Variants in RBFOX1 observed in about 807,000 individuals in gnomAD.
RBFOX1 encodes RNA binding fox-1 homolog 1.
Under a neutral mutation model 57.7 loss-of-function variants are expected in RBFOX1, and 8 were observed. That is an observed-to-expected ratio of 0.14 (90% CI 0.08 to 0.25). The LOEUF (loss-of-function observed/expected upper bound fraction) is 0.25. Among genes scored for constraint, RBFOX1 ranks in the 10% least tolerant of loss-of-function variants. The probability of loss-of-function intolerance (pLI) is 1.00; values close to 1 mark genes in which losing one functional copy is unlikely to be tolerated. For synonymous variants in RBFOX1, 326 were observed against 222.4 expected, an observed-to-expected ratio of 1.47 and a Z score of -4.15; for missense variants, 611 against 548.5, an observed-to-expected ratio of 1.11 and a Z score of -1.14.
intron 1 of RBFOX1, among the ~76,000 whole-genome samples, chr16:6,156,140 T>C (rs556761066): frequency 4.6e-4 from 70 of 152,302 alleles, no homozygotes; most frequent in Middle Eastern, 3.4e-3. Context: ...CATCCAATTT[T>C]CTAAAACATT....
intron 3 of RBFOX1, among the ~76,000 whole-genome samples, chr16:6,796,683 A>T (rs1004959513): frequency 6.6e-6 from 1 of 152,168 alleles, no homozygotes. Context: ...AGATGTTACC[A>T]ATTGGTAAGA....
intron 3 of RBFOX1, among the ~76,000 whole-genome samples, chr16:6,959,703 GA>G (rs2082567668): frequency 6.6e-6 from 1 of 152,082 alleles, no homozygotes; most frequent in Non-Finnish European, 1.5e-5. Context: ...TGGGGAGGCT[GA>G]GGTAGGCGGA....
rs138230371 is a variant in RBFOX1 at position 6,672,082 on chromosome 16, C to G, written c.-16+17432C>G. ...CCATCCGATAGTTGTTAATCACATT[C>G]GGTTTCAAAGACCGTAGGTCCATCT... On this transcript the variant is annotated intron_variant, in intron 3 of 15. Coordinates refer to ENST00000550418, the MANE Select transcript of RBFOX1 (RefSeq NM_018723.4). Among the ~76,000 whole-genome samples, 495 of 152,260 alleles carry G rather than the reference C, an allele frequency of 3.3e-3. 4 individuals carry two copies. Among genetic ancestry groups the G allele is most frequent in the African/African-American group, 0.011 (441 of 41,554 alleles).
intron 1 of RBFOX1, among the ~76,000 whole-genome samples, chr16:6,299,288 T>C (rs1451918349): frequency 6.6e-6 from 1 of 152,222 alleles, no homozygotes; most frequent in Non-Finnish European, 1.5e-5. Flanking sequence ...TGATAAATAA[T>C]GTGATAACCA....
chr16:7,070,455 A>G (rs1441609903), intron 4 of RBFOX1, among the ~76,000 whole-genome samples: 5 of 152,046 alleles, frequency 3.3e-5, no homozygotes, highest in Non-Finnish European at 2.9e-5. Context: ...ATTTTTGGCA[A>G]TTTTGTGGTG....
intron 3 of RBFOX1, among the ~76,000 whole-genome samples, chr16:5,619,524 C>G (rs1046221767): frequency 1.3e-5 from 2 of 152,170 alleles, no homozygotes; most frequent in African/African-American, 2.4e-5. Flanking sequence ...TCCTGTTAGC[C>G]TTTCACTCGA....
chr16:6,542,960 C>G (rs1181496579), intron 2 of RBFOX1, among the ~76,000 whole-genome samples: 1 of 152,114 alleles, frequency 6.6e-6, no homozygotes, highest in African/African-American at 2.4e-5. Flanking sequence ...CACAGTGCGG[C>G]ATCACTCTTA....
chr16:5,512,636 G>GT (rs2043643807), intron 2 of RBFOX1, among the ~76,000 whole-genome samples: 1 of 152,082 alleles, frequency 6.6e-6, no homozygotes, highest in African/African-American at 2.4e-5. Flanking sequence ...TTTGGAATAG[G>GT]TTTAGGTTCA....
intron 2 of RBFOX1, among the ~76,000 whole-genome samples, chr16:6,395,442 C>T (rs1490217984): frequency 6.6e-6 from 1 of 152,084 alleles, no homozygotes; most frequent in Non-Finnish European, 1.5e-5. Context: ...GTTTTAATGG[C>T]TCTGTAACTT....
At chr16:6,182,958 G>C (rs755964524) in intron 1 of RBFOX1, among the ~76,000 whole-genome samples, 3 of 151,884 alleles carry the variant, frequency 2.0e-5, no homozygotes, top group Non-Finnish European at 2.9e-5. Context: ...TAGTAGTATG[G>C]GGCGAAGGAT....
At chr16:6,211,375 C>T (rs1278231958) in intron 1 of RBFOX1, among the ~76,000 whole-genome samples, 1 of 151,818 alleles carries the variant, frequency 6.6e-6, no homozygotes. Context: ...ACTACAGGTG[C>T]CCACCACCAC....
chr16:6,058,705 T>TCACCCACCCATC (rs144774204), intron 1 of RBFOX1, among the ~76,000 whole-genome samples: 13 of 146,170 alleles, frequency 8.9e-5, no homozygotes, highest in Non-Finnish European at 1.7e-4. Context: ...ATCCATACAT[T>TCACCCACCCATC]CACCCACCCA....
intron 4 of RBFOX1, among the ~76,000 whole-genome samples, chr16:7,255,643 T>C (rs1050960371): frequency 1.7e-4 from 26 of 152,260 alleles, no homozygotes; most frequent in African/African-American, 6.3e-4. Context: ...TCAGTAGAAA[T>C]ATAATGCAAG....
At chr16:6,196,983 G>A (rs569386131) in intron 1 of RBFOX1, among the ~76,000 whole-genome samples, 1 of 152,222 alleles carries the variant, frequency 6.6e-6, no homozygotes, top group East Asian at 1.9e-4. Flanking sequence ...CTTCAAAAAT[G>A]TGTGTATTAG....
chr16:5,318,291 G>C (rs532467997), intron 1 of RBFOX1, among the ~76,000 whole-genome samples: 6 of 152,046 alleles, frequency 3.9e-5, no homozygotes, highest in Non-Finnish European at 7.4e-5. Flanking sequence ...ACCACACCCG[G>C]CTGATTTTTG....
intron 2 of RBFOX1, among the ~76,000 whole-genome samples, chr16:6,590,395 T>C (rs9928865): frequency 0.89 from 135,934 of 152,216 alleles, 62,712 homozygotes; most frequent in East Asian, 1. Context: ...AGTGCTTCCT[T>C]TCAATCAAAA....
At chr16:7,334,322 A>G (rs530793947) in intron 4 of RBFOX1, among the ~76,000 whole-genome samples, 12 of 152,162 alleles carry the variant, frequency 7.9e-5, no homozygotes, top group African/African-American at 2.9e-4. Flanking sequence ...GCAGCGTGGA[A>G]CTTGTTGCGT....
chr16:6,465,262 G>C (rs919831691), intron 2 of RBFOX1, among the ~76,000 whole-genome samples: 1 of 152,108 alleles, frequency 6.6e-6, no homozygotes, highest in African/African-American at 2.4e-5. Context: ...GTGAGGTTTT[G>C]TTGTTGTTAT....
At chr16:6,445,711 T>G (rs184029740) in intron 2 of RBFOX1, among the ~76,000 whole-genome samples, 3 of 152,086 alleles carry the variant, frequency 2.0e-5, no homozygotes, top group African/African-American at 7.2e-5. Context: ...GCCTCCCGAG[T>G]AGCTGGGACT....
Sources: gnomAD v4.1 joint callset for allele counts (sites outside exome capture counted in the v4.1 genomes callset) on GRCh38, gnomAD v4.1.1 for gene constraint, MANE v1.5 for transcripts, NCBI Gene and HGNC (gene_info 2026-07-23, HGNC 2026-07-21) for gene names.